The following RBM20 variants were observed in gnomAD, a reference collection of about 807,000 sequenced individuals.
RBM20 encodes RNA-binding protein 20.
In RBM20, 51 loss-of-function variants were observed where a neutral mutation model predicts 110.1. That is an observed-to-expected ratio of 0.46 (90% confidence interval 0.37 to 0.59). RBM20 has a LOEUF of 0.59. RBM20 is among the 20% of genes least tolerant of loss of function. RBM20 has a pLI of 0.00. For missense variants in RBM20, 1,512 were observed against 1,574.9 expected (o/e 0.96, Z 0.68); for synonymous variants, 589 against 618.2 (o/e 0.95, Z 0.70).
chr10:110,776,083 G>A (rs1844258855), intron 1 of RBM20, among the ~76,000 whole-genome samples: 1 of 152,180 alleles, frequency 6.6e-6, no homozygotes, highest in Admixed American at 6.5e-5. Flanking sequence ...AATCACTGTT[G>A]CCAGAGGGAT....
At chr10:110,815,978 T>C (rs1379380597) in intron 9 of RBM20, among the ~76,000 whole-genome samples, 1 of 152,094 alleles carries the variant, frequency 6.6e-6, no homozygotes. Flanking sequence ...TTTTGCACTG[T>C]CCTCAAACTC....
chr10:110,822,433 G>C (rs547508829), intron 11 of RBM20: 114 of 457,454 alleles, frequency 2.5e-4, no homozygotes, highest in African/African-American at 2.2e-3. Flanking sequence ...GCTAGGGTCT[G>C]ACAGTGATAC....
chr10:110,769,700 T>G (rs1844159873), intron 1 of RBM20, among the ~76,000 whole-genome samples: 1 of 152,098 alleles, frequency 6.6e-6, no homozygotes, highest in Non-Finnish European at 1.5e-5. Context: ...CAGGGGTTAC[T>G]CAATTCCTGA....
chr10:110,763,318 G>C (rs957965824), intron 1 of RBM20, among the ~76,000 whole-genome samples: 2 of 151,856 alleles, frequency 1.3e-5, no homozygotes, highest in African/African-American at 4.8e-5. Flanking sequence ...CTCCTCCAAG[G>C]GGCTAAGTTA....
rs1030745798 is a variant in RBM20, at chr10:110,836,920, G to A, written c.*942G>A. Reference sequence around the variant, plus strand: ...TCTCTGCAAAGCACAGCTTTGGCTCGAGAGGCACAGCTCCAGGCTGTGGAA... The same window carrying A: ...TCTCTGCAAAGCACAGCTTTGGCTCAAGAGGCACAGCTCCAGGCTGTGGAA... On this transcript the variant is annotated 3_prime_UTR_variant, in exon 14 of 14. Transcript: ENST00000369519. 1 of 152,220 alleles carries A rather than the reference G, an allele frequency of 6.6e-6. No homozygotes were observed. Among genetic ancestry groups the A allele is most frequent in the African/African-American group, 2.4e-5 (1 of 41,452 alleles). 9.4% of individuals were successfully genotyped at this position (152,220 alleles called of 1,614,324 possible). A position where few individuals can be genotyped will look rare whatever the true frequency, so the allele number is the denominator to read the frequency against.
chr10:110,760,623 T>G (rs997354384), intron 1 of RBM20, among the ~76,000 whole-genome samples: 1 of 150,104 alleles, frequency 6.7e-6, no homozygotes, highest in South Asian at 2.1e-4. Context: ...GTATTTTTAG[T>G]AGAGACGCAG....
At chr10:110,799,108 T>A (rs1326264349) in intron 6 of RBM20, among the ~76,000 whole-genome samples, 1 of 152,228 alleles carries the variant, frequency 6.6e-6, no homozygotes, top group Non-Finnish European at 1.5e-5. Context: ...CCTAGGGGTT[T>A]GTGAGTTCCT....
intron 1 of RBM20, among the ~76,000 whole-genome samples, chr10:110,661,282 T>A (rs1388523454): frequency 6.6e-6 from 1 of 152,008 alleles, no homozygotes; most frequent in Non-Finnish European, 1.5e-5. Context: ...TCCTGTGGGG[T>A]TCTTGGAAGT....
chr10:110,751,673 T>G (rs2134986639), intron 1 of RBM20, among the ~76,000 whole-genome samples: 1 of 152,336 alleles, frequency 6.6e-6, no homozygotes, highest in South Asian at 2.1e-4. Flanking sequence ...ATAATAGTAA[T>G]TTACTTGCCT....
At chr10:110,816,448 G>T (rs938990388) in intron 9 of RBM20, among the ~76,000 whole-genome samples, 1 of 136,146 alleles carries the variant, frequency 7.3e-6, no homozygotes, top group Non-Finnish European at 1.6e-5. Flanking sequence ...ACCCCAACCT[G>T]CTCCCCTCCC....
At chr10:110,650,803 C>T (rs1366673053) in intron 1 of RBM20, among the ~76,000 whole-genome samples, 1 of 152,212 alleles carries the variant, frequency 6.6e-6, no homozygotes, top group South Asian at 2.1e-4. Flanking sequence ...TTTGTTAGGC[C>T]TGCCCTTCAA....
At chr10:110,791,577 G>A (rs111777344) in intron 5 of RBM20, among the ~76,000 whole-genome samples, 2,207 of 152,298 alleles carry the variant, frequency 0.014, 24 homozygotes, top group Middle Eastern at 0.024. Flanking sequence ...TCATATACAA[G>A]TCTGTTTGCT....
intron 1 of RBM20, among the ~76,000 whole-genome samples, chr10:110,648,998 GAA>G (rs1861908433): frequency 2.0e-5 from 3 of 152,048 alleles, no homozygotes; most frequent in African/African-American, 4.8e-5. Context: ...AGAAGAAGAA[GAA>G]GAATTTGATC....
chr10:110,833,712 C>T (rs1017677925), intron 13 of RBM20, among the ~76,000 whole-genome samples: 5 of 152,224 alleles, frequency 3.3e-5, no homozygotes, highest in Non-Finnish European at 5.9e-5. Flanking sequence ...CAGGCAGACT[C>T]CCCTCCCCGC....
At chr10:110,670,299 G>T (rs1049624354) in intron 1 of RBM20, among the ~76,000 whole-genome samples, 3 of 152,190 alleles carry the variant, frequency 2.0e-5, no homozygotes, top group Admixed American at 2.0e-4. Flanking sequence ...GTAGATTCAA[G>T]AAATGATCTA....
At chr10:110,689,121 T>C (rs969595786) in intron 1 of RBM20, among the ~76,000 whole-genome samples, 5 of 152,244 alleles carry the variant, frequency 3.3e-5, no homozygotes, top group Non-Finnish European at 5.9e-5. Context: ...CTTTATTCCG[T>C]TTCCCCCAAT....
At position 110,663,802 on chromosome 10, in the gene RBM20, G is replaced by A. The variant is rs147656885; in HGVS notation, c.191+19157G>A. On this transcript the variant is annotated intron_variant, in intron 1 of 13. Coordinates refer to ENST00000369519, the MANE Select transcript of RBM20 (RefSeq NM_001134363.3). ...CCCTAGTGTATATCTTACCGTCAAC[G>A]TGAATGCCAAATTAATCTTGAGCTG... Among the ~76,000 whole-genome samples, 644 of 152,244 alleles carry A rather than the reference G, an allele frequency of 4.2e-3. 1 individual carries two copies. The highest frequency in any genetic ancestry group is 6.0e-3 in the Non-Finnish European group (405 of 68,006).
chr10:110,760,229 A>G (rs1265419795), intron 1 of RBM20, among the ~76,000 whole-genome samples: 1 of 152,134 alleles, frequency 6.6e-6, no homozygotes, highest in Non-Finnish European at 1.5e-5. Flanking sequence ...TTCATGTGTA[A>G]ACGTGGCAGT....
chr10:110,786,894 A>G (rs1006498905), intron 5 of RBM20, among the ~76,000 whole-genome samples: 3 of 152,176 alleles, frequency 2.0e-5, no homozygotes, highest in African/African-American at 7.2e-5. Flanking sequence ...GGTACGGGGA[A>G]GAGATGGCAT....
Sources: allele counts gnomAD v4.1 joint callset (sites outside exome capture counted in the v4.1 genomes callset), GRCh38; gene constraint gnomAD v4.1.1; transcripts MANE v1.5; gene names NCBI Gene and HGNC (gene_info 2026-07-23, HGNC 2026-07-21).